CASP6: variants seen among roughly 807,000 people sequenced by gnomAD.
The protein encoded by CASP6 is caspase-6.
A neutral mutation model predicts 31.8 loss-of-function variants in CASP6; 20 were observed. The ratio of observed to expected loss-of-function variants is 0.63; its 90% CI spans 0.44 to 0.91. The LOEUF (loss-of-function observed/expected upper bound fraction) is 0.91. Among genes scored for constraint, CASP6 ranks in the 40% least tolerant of loss-of-function variants. The probability of loss-of-function intolerance (pLI) is 0.00; values close to 1 mark genes in which losing one functional copy is unlikely to be tolerated. For missense variants in CASP6, 328 were observed against 361.1 expected, an observed-to-expected ratio of 0.91 and a Z score of 0.74; for synonymous variants, 130 against 127.8, an observed-to-expected ratio of 1.02 and a Z score of -0.12.
chr4:109,697,519 G>A, intron 3 of CASP6, 103 bp downstream of exon 3: 1 of 1,329,500 alleles, frequency 7.5e-7, no homozygotes, highest in Non-Finnish European at 1.0e-6. Context: ...CTCCCACCTT[G>A]GCTTCCCAAA....
chr4:109,682,536 G>A, the CASP6 span: 52 of 1,519,214 alleles, frequency 3.4e-5, no homozygotes, highest in African/African-American at 1.2e-4. Context: ...CACACCCTGC[G>A]GGAACAATGT....
At chr4:109,686,111 A>C (rs527580576), downstream of CASP6, among the ~76,000 whole-genome samples, 1 of 152,302 alleles carries the variant, frequency 6.6e-6, no homozygotes, top group Admixed American at 6.5e-5. Flanking sequence ...GAATCACTCA[A>C]ATTTTGTAGT....
chr4:109,691,038 C>A, intron 5 of CASP6, 29 bp from the exon 6 acceptor site: 2 of 1,590,164 alleles, frequency 1.3e-6, no homozygotes, highest in Non-Finnish European at 1.7e-6. Context: ...AAACCCACCT[C>A]TTTGCCTACT....
the CASP6 span, among the ~76,000 whole-genome samples, chr4:109,677,031 T>A: frequency 6.6e-6 from 1 of 152,246 alleles, no homozygotes; most frequent in Non-Finnish European, 1.5e-5. Context: ...CTGCCTGGGC[T>A]GAGCCCAGCA....
chr4:109,705,999 AAAATATATATAT>A (rs1317672816), upstream of CASP6, among the ~76,000 whole-genome samples: 12 of 35,988 alleles, frequency 3.3e-4, no homozygotes, highest in African/African-American at 1.5e-3. Context: ...AAAAAAAAAA[AAAATATATATAT>A]ATATATATAT....
intron 4 of CASP6, among the ~76,000 whole-genome samples, chr4:109,695,896 G>T (rs1054561606): frequency 3.9e-5 from 6 of 152,148 alleles, no homozygotes; most frequent in African/African-American, 7.2e-5. Flanking sequence ...GTTTAAAGAA[G>T]AGCTCTGAAG....
At chr4:109,680,883 A>G in the CASP6 span, among the ~76,000 whole-genome samples, 2 of 152,312 alleles carry the variant, frequency 1.3e-5, no homozygotes, top group South Asian at 2.1e-4. Flanking sequence ...ATAATGAACA[A>G]TTACAGCTCT....
rs757129329 is a variant in CASP6, at chr4:109,703,391, C to A, written c.5G>T (p.Ser2Ile). M[S>I]SASGLRRGHP... is the part of the protein sequence containing the mutation. ...CCCCCTGCGGAGCCCCGAGGCCGAG[C>A]TCATTGCAGCCAAACGCGCAGCCAG... Residue 2 changes from serine (S) to isoleucine (I), a missense_variant, in exon 1 of 7, where the codon AGC becomes ATC. Physicochemically the swap from Ser to Ile is moderately radical, Grantham distance 142 (BLOSUM62 -2). Transcript: ENST00000265164. 1.7e-5 allele frequency: 27 copies of A among 1,611,856 alleles called. 1 individual carries two copies. In the South Asian group the frequency reaches 2.4e-4, roughly 14 times the overall value.
intron 1 of CASP6, among the ~76,000 whole-genome samples, 172 bp downstream of exon 1, chr4:109,703,184 C>A (rs533308978): frequency 1.3e-5 from 2 of 152,276 alleles, no homozygotes; most frequent in Admixed American, 6.5e-5. Flanking sequence ...ACCGTCCCCA[C>A]CCGCCCTGAG....
At chr4:109,674,347 C>T in the CASP6 span, among the ~76,000 whole-genome samples, 2 of 152,204 alleles carry the variant, frequency 1.3e-5, no homozygotes, top group African/African-American at 4.8e-5. Context: ...TTAACTTAAA[C>T]ATGTCACCTA....
rs1413969742 is a variant in CASP6 at position 109,696,965 on chromosome 4, T to C, written c.231-479A>G. Among the ~76,000 whole-genome samples the C allele has an allele frequency of 2.0e-5, 3 of 151,820 alleles. No homozygotes were observed. In the East Asian group the frequency reaches 5.8e-4, roughly 29 times the overall value. On this transcript the variant is annotated intron_variant, in intron 3 of 6. Coordinates refer to ENST00000265164, the MANE Select transcript of CASP6 (RefSeq NM_001226.4). ...CACGCCCGGCTAATTTTTTGTATTT[T>C]TTAGGAGAGACAGGGTTTCACCATG...
chr4:109,684,482 A>C (rs1280659244), downstream of CASP6: 1 of 1,613,170 alleles, frequency 6.2e-7, no homozygotes, highest in Non-Finnish European at 8.5e-7. Context: ...AGCCAAAACC[A>C]GTGGACTCCT....
chr4:109,684,148 C>T (rs929474591), downstream of CASP6, among the ~76,000 whole-genome samples: 3 of 151,506 alleles, frequency 2.0e-5, no homozygotes, highest in African/African-American at 7.3e-5. Context: ...CTGCAAGCTC[C>T]ACCTCCTGGG....
At chr4:109,671,306 G>T in the CASP6 span, among the ~76,000 whole-genome samples, 108,117 of 152,078 alleles carry the variant, frequency 0.71, 39,228 homozygotes, top group African/African-American at 0.86. Flanking sequence ...AGTTCAAATA[G>T]TGCTGCTTTT....
intron 3 of CASP6, among the ~76,000 whole-genome samples, chr4:109,697,053 C>T (rs937220445): frequency 3.3e-4 from 50 of 151,712 alleles, no homozygotes; most frequent in Admixed American, 7.9e-4. Context: ...CCCAAAGTGC[C>T]GGGATTACAG....
chr4:109,702,341 T>C (rs944782618), intron 1 of CASP6, among the ~76,000 whole-genome samples: 6 of 146,184 alleles, frequency 4.1e-5, no homozygotes, highest in Admixed American at 2.7e-4. Flanking sequence ...TTTTTTTTTT[T>C]CTTCTTGATT....
At chr4:109,685,247 T>C, downstream of CASP6, 1 of 1,190,668 alleles carries the variant, frequency 8.4e-7, no homozygotes. Flanking sequence ...TCTTTTTTTT[T>C]AAGGATTATA....
chr4:109,665,025 TCTCTGCACCCCACGCCC>T, the CASP6 span, among the ~76,000 whole-genome samples: 3 of 152,168 alleles, frequency 2.0e-5, no homozygotes, highest in Non-Finnish European at 4.4e-5. Flanking sequence ...TCCCATATGC[TCTCTGCACCCCACGCCC>T]CTTATTGTCA....
the CASP6 span, among the ~76,000 whole-genome samples, chr4:109,679,756 A>C: frequency 6.6e-6 from 1 of 152,146 alleles, no homozygotes; most frequent in Non-Finnish European, 1.5e-5. Flanking sequence ...GCTTGCAATT[A>C]TGAACTTTCT....
Sources: gnomAD v4.1 joint callset for allele counts (sites outside exome capture counted in the v4.1 genomes callset) on GRCh38, gnomAD v4.1.1 for gene constraint, MANE v1.5 for transcripts, NCBI Gene and HGNC (gene_info 2026-07-23, HGNC 2026-07-21) for gene names.